The following PEX7 variants were observed in gnomAD, a reference collection of about 807,000 sequenced individuals.
PEX7 encodes the protein PTS2 receptor.
In PEX7, 34 loss-of-function variants were observed where a neutral mutation model predicts 47.5. That is an observed-to-expected ratio of 0.72 (90% CI 0.54 to 0.95). The LOEUF (loss-of-function observed/expected upper bound fraction) is 0.95, where lower values mean the gene tolerates loss of function less well. Ranked by LOEUF, PEX7 falls within the 40% of genes least tolerant of loss-of-function variation. The probability of loss-of-function intolerance (pLI) is 0.00; values close to 1 mark genes in which losing one functional copy is unlikely to be tolerated. For missense variants in PEX7, 394 were observed against 400.3 expected (o/e 0.98, Z 0.13); for synonymous variants, 141 against 148.8 (o/e 0.95, Z 0.38).
chr6:136,823,152 C>G lies in PEX7; in HGVS notation c.130+357C>G, dbSNP rs113018580. On this transcript the variant is annotated intron_variant, in intron 1 of 9. Transcript: ENST00000318471. ...GCGCGGTCCCTTGGATCGGTCCGCT[C>G]GGCACAGCAGTACGGGGAAGACGGT... The G allele has an allele frequency of 5.9e-4, 578 of 985,366 alleles. 3 individuals carry two copies. In the African/African-American group the frequency reaches 9.3e-3, roughly 16 times the overall value. 61.0% of individuals were successfully genotyped at this position (985,366 alleles called of 1,614,324 possible). A position where few individuals can be genotyped will look rare whatever the true frequency, so the allele number is the denominator to read the frequency against.
chr6:136,912,958 G>T (rs550353175), intron 9 of PEX7, among the ~76,000 whole-genome samples: 2 of 152,236 alleles, frequency 1.3e-5, no homozygotes, highest in African/African-American at 4.8e-5. Flanking sequence ...TTGTGAAGTT[G>T]TCTGACACTG....
chr6:136,883,633 G>A (rs1295157709), intron 8 of PEX7, among the ~76,000 whole-genome samples: 1 of 151,912 alleles, frequency 6.6e-6, no homozygotes, highest in Non-Finnish European at 1.5e-5. Context: ...TTACATGCCC[G>A]TTCTAAATGA....
intron 5 of PEX7, chr6:136,855,659 G>A (rs919963563): frequency 7.3e-5 from 22 of 299,616 alleles, no homozygotes; most frequent in South Asian, 2.2e-4. Context: ...TTCTAAATTT[G>A]CCTTGATTTG....
At chr6:136,902,481 G>T (rs1160062321) in intron 9 of PEX7, among the ~76,000 whole-genome samples, 2 of 152,134 alleles carry the variant, frequency 1.3e-5, no homozygotes, top group African/African-American at 4.8e-5. Flanking sequence ...TTTAAAACTT[G>T]ACAAATAAAT....
At chr6:136,853,605 A>G (rs893771279) in intron 5 of PEX7, among the ~76,000 whole-genome samples, 2 of 152,184 alleles carry the variant, frequency 1.3e-5, no homozygotes, top group African/African-American at 2.4e-5. Flanking sequence ...TGACCAAACC[A>G]TCCTAAATTG....
At position 136,885,421 on chromosome 6, in the gene PEX7, T is replaced by G. The variant is rs1050097347; in HGVS notation, c.804-12721T>G. Among the ~76,000 whole-genome samples the G allele has an allele frequency of 4.6e-5, 7 of 152,184 alleles. No individual in the cohort carries two copies. In the South Asian group the frequency reaches 6.2e-4, roughly 14 times the overall value. On this transcript the variant is annotated intron_variant, in intron 8 of 9. Transcript: ENST00000318471. Reference sequence around the variant, plus strand: ...ATTTGGGGGCAAGAAAAATATAAAGTGAATTTTAATTTCAGTGTTGTCAAA... The same window carrying G: ...ATTTGGGGGCAAGAAAAATATAAAGGGAATTTTAATTTCAGTGTTGTCAAA...
At position 136,913,558 on chromosome 6, in the gene PEX7, T is replaced by C. The variant is rs773494217; in HGVS notation, c.*32T>C. ...CTACTTTGGTCAGAAACAGAGGATG[T>C]TGGCTGAAGAACTGCCTAACAGCAA... On this transcript the variant is annotated 3_prime_UTR_variant, in exon 10 of 10. Coordinates refer to ENST00000318471, the MANE Select transcript of PEX7 (RefSeq NM_000288.4). The C allele has an allele frequency of 8.5e-6, 12 of 1,417,756 alleles. No individual in the cohort carries two copies. The highest frequency in any genetic ancestry group is 1.2e-5 in the Non-Finnish European group (12 of 1,001,712). 87.8% of individuals were successfully genotyped at this position (1,417,756 alleles called of 1,614,324 possible).
intron 5 of PEX7, among the ~76,000 whole-genome samples, chr6:136,858,370 T>C (rs1169530874): frequency 1.3e-5 from 2 of 152,194 alleles, no homozygotes; most frequent in Non-Finnish European, 2.9e-5. Flanking sequence ...GGACAGTTAG[T>C]GCTTATCTAA....
chr6:136,866,805 T>A, intron 6 of PEX7, 72 bp downstream of exon 6: 2 of 1,323,648 alleles, frequency 1.5e-6, no homozygotes, highest in Non-Finnish European at 2.2e-6. Flanking sequence ...TATTTGTCTT[T>A]GTTTATGTGG....
intron 8 of PEX7, among the ~76,000 whole-genome samples, chr6:136,897,911 T>C (rs1334420140): frequency 6.6e-6 from 1 of 152,018 alleles, no homozygotes; most frequent in Non-Finnish European, 1.5e-5. Context: ...TAGAATAATC[T>C]TTTATAGGGT....
At chr6:136,909,227 T>C (rs1775895207) in intron 9 of PEX7, among the ~76,000 whole-genome samples, 1 of 152,254 alleles carries the variant, frequency 6.6e-6, no homozygotes, top group Admixed American at 6.5e-5. Context: ...GATAGCTTTG[T>C]AATTCTGAGG....
At chr6:136,881,943 T>A (rs1055358232) in intron 8 of PEX7, among the ~76,000 whole-genome samples, 1 of 152,022 alleles carries the variant, frequency 6.6e-6, no homozygotes, top group African/African-American at 2.4e-5. Flanking sequence ...AAATTGAGAT[T>A]TATAGTTCAA....
chr6:136,870,336 A>AAC (rs1775151320), intron 7 of PEX7, among the ~76,000 whole-genome samples: 1 of 152,144 alleles, frequency 6.6e-6, no homozygotes. Context: ...TAAGTTTCTA[A>AAC]TTAGCGAGAG....
intron 7 of PEX7, 36 bp from the exon 8 acceptor site, chr6:136,872,162 T>C: frequency 1.9e-6 from 3 of 1,580,800 alleles, no homozygotes; most frequent in Non-Finnish European, 2.6e-6. Context: ...ACAGCTGACT[T>C]CAAAAAGGGT....
intron 5 of PEX7, among the ~76,000 whole-genome samples, chr6:136,848,876 A>C (rs1774683067): frequency 6.6e-6 from 1 of 152,142 alleles, no homozygotes; most frequent in African/African-American, 2.4e-5. Flanking sequence ...AAAATGAGTT[A>C]AGGAGGATTC....
At chr6:136,830,343 T>C (rs535921384) in intron 3 of PEX7, 3 of 288,330 alleles carry the variant, frequency 1.0e-5, no homozygotes, top group African/African-American at 2.2e-5. Context: ...TACCACTTGA[T>C]GGCTATGTGT....
intron 8 of PEX7, among the ~76,000 whole-genome samples, chr6:136,872,972 A>G (rs550317167): frequency 1.1e-3 from 175 of 152,230 alleles, no homozygotes; most frequent in African/African-American, 3.4e-3. Context: ...TTTGAATACT[A>G]TATTCAGAAG....
intron 1 of PEX7, 25 bp downstream of exon 1, chr6:136,822,820 G>T: frequency 2.4e-6 from 3 of 1,236,902 alleles, no homozygotes; most frequent in South Asian, 3.2e-5. Context: ...CGCAGCTGGG[G>T]CCGGGGGGCG....
At chr6:136,860,409 CTTTTTTTTTTTT>C (rs386408726) in intron 5 of PEX7, among the ~76,000 whole-genome samples, 4 of 113,952 alleles carry the variant, frequency 3.5e-5, no homozygotes, top group Non-Finnish European at 7.0e-5. Flanking sequence ...AGCCATGGCT[CTTTTTTTTTTTT>C]TTTTTTTTTA....
Sources: gnomAD v4.1 joint callset for allele counts (sites outside exome capture counted in the v4.1 genomes callset) on GRCh38, gnomAD v4.1.1 for gene constraint, MANE v1.5 for transcripts, NCBI Gene and HGNC (gene_info 2026-07-23, HGNC 2026-07-21) for gene names.